RBKS: variants seen among roughly 807,000 people sequenced by gnomAD.
RBKS encodes ribokinase.
In RBKS, 33 loss-of-function variants were observed where a neutral mutation model predicts 33.9. That is an observed-to-expected ratio of 0.97 (90% CI 0.74 to 1.30). RBKS has a LOEUF of 1.30. Ranked by LOEUF, RBKS falls within the 50% of genes most tolerant of loss-of-function variation. The pLI is 0.00. For synonymous variants in RBKS, 125 were observed against 143.0 expected (o/e 0.87, Z 0.90); for missense variants, 361 against 392.6 (o/e 0.92, Z 0.68).
chr2:27,844,777 C>T (rs1446122418), intron 4 of RBKS, among the ~76,000 whole-genome samples: 2 of 152,104 alleles, frequency 1.3e-5, no homozygotes, highest in Non-Finnish European at 2.9e-5. Context: ...TTAAATTTAC[C>T]TGTTCCTTTT....
intron 7 of RBKS, among the ~76,000 whole-genome samples, chr2:27,821,635 G>A (rs1321776940): frequency 6.6e-6 from 1 of 152,104 alleles, no homozygotes; most frequent in Non-Finnish European, 1.5e-5. Context: ...TCACAAGTAG[G>A]AAAAGCCCCA....
At chr2:27,880,593 A>G (rs1440680959) in intron 1 of RBKS, among the ~76,000 whole-genome samples, 2 of 152,202 alleles carry the variant, frequency 1.3e-5, no homozygotes, top group Non-Finnish European at 2.9e-5. Flanking sequence ...TCAAGATACA[A>G]AAAATCACCA....
At chr2:27,821,814 A>C (rs1678216921) in intron 7 of RBKS, among the ~76,000 whole-genome samples, 1 of 152,236 alleles carries the variant, frequency 6.6e-6, no homozygotes, top group Non-Finnish European at 1.5e-5. Flanking sequence ...TTGACAGTGC[A>C]GTTCAAAATT....
At chr2:27,863,358 C>T (rs950367737) in intron 1 of RBKS, among the ~76,000 whole-genome samples, 5 of 152,234 alleles carry the variant, frequency 3.3e-5, no homozygotes, top group African/African-American at 1.2e-4. Flanking sequence ...GATTGTATTA[C>T]TTTTGACAGC....
chr2:27,787,251 G>A (rs1242768838), intron 7 of RBKS, among the ~76,000 whole-genome samples: 3 of 152,114 alleles, frequency 2.0e-5, no homozygotes, highest in Non-Finnish European at 2.9e-5. Context: ...GGGCAACGTC[G>A]TGAAGCCCTG....
intron 6 of RBKS, among the ~76,000 whole-genome samples, chr2:27,832,217 G>C (rs754143127): frequency 5.3e-5 from 8 of 152,096 alleles, no homozygotes; most frequent in Non-Finnish European, 1.0e-4. Flanking sequence ...ATTAGCGTTT[G>C]GCAGACAAAC....
intron 1 of RBKS, among the ~76,000 whole-genome samples, chr2:27,861,101 G>A (rs1043705689): frequency 6.6e-6 from 1 of 152,106 alleles, no homozygotes; most frequent in Non-Finnish European, 1.5e-5. Context: ...CCAAGTAGCT[G>A]GGATTACAGG....
rs372614067 is a variant in RBKS at position 27,827,596 on chromosome 2, TG to T, written c.765del (p.Thr256GlnfsTer71). 3.8e-4 allele frequency: 608 copies of T among 1,601,350 alleles called. 3 individuals carry two copies. The East Asian group carries it at 0.013, about 35-fold the overall frequency. On this transcript the variant is annotated frameshift_variant, in exon 7 of 8. Coordinates refer to ENST00000302188, the MANE Select transcript of RBKS (RefSeq NM_022128.3). LOFTEE classifies it high-confidence loss of function. ...GTATCCACAGCCTTGACTTTCTCTG[TG>T]GGAATGTGCTTTGGCTCAGGTTCTG... ...SQTEPEPKHIPTEKVKAVDTT... is the reference protein window; with the variant it reads ...SQTEPEPKHIXTEKVKAVDTT...
intron 7 of RBKS, among the ~76,000 whole-genome samples, chr2:27,786,716 G>C (rs1177627628): frequency 2.0e-5 from 3 of 151,810 alleles, no homozygotes; most frequent in Non-Finnish European, 4.4e-5. Context: ...GGGAGGTGGA[G>C]GTTGCAGTGA....
chr2:27,783,918 AAG>A (rs1677337495), intron 7 of RBKS, among the ~76,000 whole-genome samples: 2 of 146,722 alleles, frequency 1.4e-5, no homozygotes, highest in African/African-American at 2.6e-5. Flanking sequence ...GAAAAAAAAA[AAG>A]AAAAAAAAAA....
chr2:27,835,938 G>A (rs1203361845), intron 5 of RBKS, among the ~76,000 whole-genome samples: 3 of 151,878 alleles, frequency 2.0e-5, no homozygotes, highest in African/African-American at 4.8e-5. Context: ...GTATCTGGCC[G>A]GGCACAGTGG....
rs922482625 is a variant in RBKS at position 27,837,864 on chromosome 2, T to C, written c.515-5087A>G. Among the ~76,000 whole-genome samples the C allele has an allele frequency of 2.6e-5, 4 of 152,118 alleles. No individual in the cohort carries two copies. Among genetic ancestry groups the C allele is most frequent in the Non-Finnish European group, 4.4e-5 (3 of 68,006 alleles). On this transcript the variant is annotated intron_variant, in intron 5 of 7. Coordinates refer to ENST00000302188, the MANE Select transcript of RBKS (RefSeq NM_022128.3). The surrounding 1 kb of genome is among the most constrained non-coding windows in gnomAD (Gnocchi z 4.0). ...ACAGGTTGAAAAGCTACCTATTGAG[T>C]ACCGTGCTCCCTACCTGGGCGCAAT...
intron 7 of RBKS, 130 bp downstream of exon 7, chr2:27,827,437 G>T: frequency 2.7e-6 from 2 of 736,952 alleles, no homozygotes; most frequent in Non-Finnish European, 4.1e-6. Context: ...CTGCCTGGTT[G>T]TTCTTCTCTT....
chr2:27,878,464 T>C (rs1232770265), intron 1 of RBKS, among the ~76,000 whole-genome samples: 1 of 152,208 alleles, frequency 6.6e-6, no homozygotes, highest in Non-Finnish European at 1.5e-5. Flanking sequence ...AAGTCTTTGC[T>C]ATTGTGAATA....
intron 7 of RBKS, among the ~76,000 whole-genome samples, chr2:27,789,201 T>C (rs947190941): frequency 3.3e-5 from 5 of 152,146 alleles, no homozygotes; most frequent in African/African-American, 1.2e-4. Context: ...AACAAAGGTA[T>C]AGGTTGAGTA....
chr2:27,816,701 C>T (rs925602407), intron 7 of RBKS, among the ~76,000 whole-genome samples: 2 of 152,054 alleles, frequency 1.3e-5, no homozygotes, highest in Non-Finnish European at 2.9e-5. Flanking sequence ...TGGGTTCAGC[C>T]ATTCTCCTGC....
intron 5 of RBKS, among the ~76,000 whole-genome samples, chr2:27,842,167 T>C (rs926881742): frequency 6.6e-6 from 1 of 152,200 alleles, no homozygotes; most frequent in Non-Finnish European, 1.5e-5. Context: ...CAGAAGATGC[T>C]TTCCCCACTA....
At chr2:27,870,691 T>A (rs1256175422) in intron 1 of RBKS, 6 of 435,616 alleles carry the variant, frequency 1.4e-5, no homozygotes, top group Non-Finnish European at 2.3e-5. Context: ...TAGACTCACA[T>A]TCAGAAGCAA....
At chr2:27,835,079 C>T (rs1014282154) in intron 5 of RBKS, among the ~76,000 whole-genome samples, 2 of 151,986 alleles carry the variant, frequency 1.3e-5, no homozygotes, top group Middle Eastern at 3.4e-3. Context: ...AGTTTGAGAC[C>T]AGCCTGACCA....
Sources: gnomAD v4.1 joint callset for allele counts (sites outside exome capture counted in the v4.1 genomes callset) on GRCh38, gnomAD v4.1.1 for gene constraint, Gnocchi (gnomAD v3.1) non-coding constraint, MANE v1.5 for transcripts, NCBI Gene and HGNC (gene_info 2026-07-23, HGNC 2026-07-21) for gene names.